Variants in UGT1A10 observed in about 807,000 individuals in gnomAD.
UGT1A10 encodes UDP-glucuronosyltransferase 1A10.
Under a neutral mutation model 45.8 loss-of-function variants are expected in UGT1A10, and 49 were observed. The observed-to-expected ratio is 1.07, with a 90% CI of 0.85 to 1.36. UGT1A10 has a LOEUF of 1.36. Among genes scored for constraint, UGT1A10 ranks in the 40% most tolerant of loss-of-function variants. The pLI is 0.00. For missense variants in UGT1A10, 745 were observed against 668.6 expected (o/e 1.11, Z -1.26); for synonymous variants, 284 against 249.7 (o/e 1.14, Z -1.29).
chr2:233,640,789 G>T (rs2125463279), intron 1 of UGT1A10, among the ~76,000 whole-genome samples: 1 of 152,246 alleles, frequency 6.6e-6, no homozygotes, highest in East Asian at 1.9e-4. Flanking sequence ...TGGTCAGTAG[G>T]AAGCAGTTGG....
chr2:233,643,462 A>C (rs1413847720), intron 1 of UGT1A10, among the ~76,000 whole-genome samples: 1 of 151,970 alleles, frequency 6.6e-6, no homozygotes, highest in Non-Finnish European at 1.5e-5. Context: ...GCTCCCCTCT[A>C]TCCCAGGGGA....
In UGT1A10 at chr2:233,660,107, C is replaced by T. The variant is rs114626705; in HGVS notation, c.855+22730C>T. ...CTCTGTTTTAAGTCCTGTGAAGTCACGCACAACATCTGGACACAGTTTTCT... is the reference window on the plus strand; with the variant it reads ...CTCTGTTTTAAGTCCTGTGAAGTCATGCACAACATCTGGACACAGTTTTCT... On this transcript the variant is annotated intron_variant, in intron 1 of 4. Coordinates refer to ENST00000344644, the MANE Select transcript of UGT1A10 (RefSeq NM_019075.4). Among the ~76,000 whole-genome samples, 331 of 152,318 alleles carry T rather than the reference C, an allele frequency of 2.2e-3. 1 individual carries two copies. The highest frequency in any genetic ancestry group is 7.4e-3 in the African/African-American group (306 of 41,562).
intron 1 of UGT1A10, among the ~76,000 whole-genome samples, chr2:233,709,774 A>G (rs183310519): frequency 6.6e-6 from 1 of 152,330 alleles, no homozygotes; most frequent in East Asian, 1.9e-4. Context: ...TTTACATGCA[A>G]TAAAGTGCAC....
chr2:233,760,521 G>T, intron 1 of UGT1A10: 1 of 1,614,238 alleles, frequency 6.2e-7, no homozygotes, highest in South Asian at 1.1e-5. Context: ...CCTTGAAGAC[G>T]TACCCTGTGC....
At chr2:233,756,948 G>A (rs530775201) in intron 1 of UGT1A10, among the ~76,000 whole-genome samples, 1 of 152,072 alleles carries the variant, frequency 6.6e-6, no homozygotes, top group African/African-American at 2.4e-5. Flanking sequence ...CCTGAAACCC[G>A]GACTTGGCAC....
chr2:233,689,310 C>T (rs933762427), intron 1 of UGT1A10, among the ~76,000 whole-genome samples: 1 of 151,096 alleles, frequency 6.6e-6, no homozygotes, highest in African/African-American at 2.4e-5. Context: ...CACAGTAAGA[C>T]CAAACATCTA....
intron 1 of UGT1A10, chr2:233,713,570 T>C: frequency 6.2e-7 from 1 of 1,613,974 alleles, no homozygotes; most frequent in Non-Finnish European, 8.5e-7. Context: ...CTTCCTCCTA[T>C]ATTCCTAGAT....
In UGT1A10 at chr2:233,769,399, A is replaced by G. The variant is rs1699854887; in HGVS notation, c.1295+960A>G. The G allele has an allele frequency of 1.7e-6, 2 of 1,170,288 alleles. No homozygotes were observed. Among genetic ancestry groups the G allele is most frequent in the Non-Finnish European group, 2.5e-6 (2 of 810,196 alleles). 72.5% of individuals were successfully genotyped at this position (1,170,288 alleles called of 1,614,324 possible). A position where few individuals can be genotyped will look rare whatever the true frequency, so the allele number is the denominator to read the frequency against. On this transcript the variant is annotated intron_variant, in intron 4 of 4. Transcript: ENST00000344644. This position sits in a 1 kb window ranked among gnomAD's most constrained non-coding sequence, Gnocchi z 4.4. ...ATCCGACAATAGATACTGTGTGCAT[A>G]TGTGCGTGTGCGTTTGTGCATGTGG...
intron 1 of UGT1A10, among the ~76,000 whole-genome samples, chr2:233,759,704 G>A (rs891688930): frequency 3.4e-4 from 52 of 151,494 alleles, no homozygotes; most frequent in African/African-American, 1.2e-3. Flanking sequence ...CTCATGGCGC[G>A]TGCTCGTGTG....
At chr2:233,743,853 C>G (rs759074098) in intron 1 of UGT1A10, 129 of 1,367,160 alleles carry the variant, frequency 9.4e-5, no homozygotes, top group Non-Finnish European at 1.2e-4. Context: ...TTGCGGTACG[C>G]CTTCTTGATG....
At chr2:233,686,149 A>G (rs1406546087) in intron 1 of UGT1A10, among the ~76,000 whole-genome samples, 1 of 152,206 alleles carries the variant, frequency 6.6e-6, no homozygotes, top group African/African-American at 2.4e-5. Flanking sequence ...TTAACTTGAA[A>G]TGGATCAAAG....
intron 1 of UGT1A10, chr2:233,718,892 C>A (rs775726544): frequency 6.2e-7 from 1 of 1,613,902 alleles, no homozygotes; most frequent in African/African-American, 1.3e-5. Flanking sequence ...GTGTCCAGCC[C>A]TGGGCTGAGA....
chr2:233,762,771 C>G (rs543365278), intron 1 of UGT1A10, among the ~76,000 whole-genome samples: 5 of 150,154 alleles, frequency 3.3e-5, no homozygotes, highest in South Asian at 4.2e-4. Context: ...ATTTCTATCT[C>G]TAGCTGATTA....
At chr2:233,754,136 G>C in intron 1 of UGT1A10, among the ~76,000 whole-genome samples, 1 of 152,154 alleles carries the variant, frequency 6.6e-6, no homozygotes, top group Non-Finnish European at 1.5e-5. Flanking sequence ...GCAATTAAAA[G>C]CCATCATTAA....
intron 1 of UGT1A10, among the ~76,000 whole-genome samples, chr2:233,654,708 T>C (rs2073816930): frequency 6.6e-6 from 1 of 152,250 alleles, no homozygotes; most frequent in Non-Finnish European, 1.5e-5. Flanking sequence ...GCACCCATGC[T>C]GAGGTGGTTA....
At chr2:233,713,803 C>A in intron 1 of UGT1A10, 12 of 1,614,054 alleles carry the variant, frequency 7.4e-6, no homozygotes, top group Non-Finnish European at 8.5e-6. Flanking sequence ...CCGATCATGC[C>A]CAACATGGTC....
At chr2:233,754,978 CG>C (rs1333953486) in intron 1 of UGT1A10, 1 of 1,298,378 alleles carries the variant, frequency 7.7e-7, no homozygotes, top group Non-Finnish European at 1.0e-6. Context: ...CTGAAGACCT[CG>C]GCGGGGTCAC....
rs764918207 is a variant in UGT1A10 at position 233,760,359 on chromosome 2, G to A, written c.856-6675G>A. 62 of 1,614,004 alleles carry A rather than the reference G, an allele frequency of 3.8e-5. No homozygotes were observed. The South Asian group carries it at 4.0e-4, about 10-fold the overall frequency. ...TGCTGTGTGTGCTGGGCCCAGTGGTGTCCCATGCTGGGAAGATACTGTTGA... is the reference window on the plus strand; with the variant it reads ...TGCTGTGTGTGCTGGGCCCAGTGGTATCCCATGCTGGGAAGATACTGTTGA... On this transcript the variant is annotated intron_variant, in intron 1 of 4. Transcript: ENST00000344644.
intron 1 of UGT1A10, among the ~76,000 whole-genome samples, chr2:233,737,707 C>T (rs1200487929): frequency 6.6e-6 from 1 of 152,126 alleles, no homozygotes; most frequent in Non-Finnish European, 1.5e-5. Flanking sequence ...TTCCGTTCTC[C>T]TCTCCAACAC....
Sources: gnomAD v4.1 joint callset for allele counts (sites outside exome capture counted in the v4.1 genomes callset) on GRCh38, gnomAD v4.1.1 for gene constraint, Gnocchi (gnomAD v3.1) non-coding constraint, MANE v1.5 for transcripts, NCBI Gene and HGNC (gene_info 2026-07-23, HGNC 2026-07-21) for gene names.